Variants in PDE9A observed in about 807,000 individuals in gnomAD.
PDE9A encodes the protein phosphodiesterase 9A, also known as high affinity cGMP-specific 3',5'-cyclic phosphodiesterase 9A.
A neutral mutation model predicts 87.4 loss-of-function variants in PDE9A; 60 were observed. That is an observed-to-expected ratio of 0.69 (90% CI 0.56 to 0.85). PDE9A has a LOEUF of 0.85. Ranked by LOEUF, PDE9A falls within the 40% of genes least tolerant of loss-of-function variation. The probability of loss-of-function intolerance (pLI) is 0.00; values close to 1 mark genes in which losing one functional copy is unlikely to be tolerated. For synonymous variants in PDE9A, 272 were observed against 279.4 expected (o/e 0.97, Z 0.27); for missense variants, 665 against 779.0 (o/e 0.85, Z 1.74).
rs905435707 is a variant in PDE9A, at chr21:42,769,625, CACACACAGGCACACACAGGG to C, written c.1590+486_1590+505del. On this transcript the variant is annotated intron_variant, in intron 17 of 19. Coordinates refer to ENST00000291539, the MANE Select transcript of PDE9A (RefSeq NM_002606.3). ...ACAAATGCACATGCAGGTACACATG[CACACACAGGCACACACAGGG>C]ACACACAGGCACACATAGGCACACA... 1.3e-4 allele frequency among the ~76,000 whole-genome samples: 6 copies of C among 47,798 alleles called. No homozygotes were observed. In the South Asian group the frequency reaches 3.4e-3, roughly 27 times the overall value. 31.4% of individuals were successfully genotyped at this position (47,798 alleles called of 152,430 possible).
Position 42,732,113 on chromosome 21 carries a change from G to C in PDE9A, c.486G>C (p.Glu162Asp). Residue 162 changes from glutamate to aspartate, a missense_variant, in exon 6 of 20, where the codon GAG becomes GAC. Glu to Asp is a conservative substitution (Grantham distance 45). Coordinates refer to ENST00000291539, the MANE Select transcript of PDE9A (RefSeq NM_002606.3). The part of the protein sequence containing the change: ...LIQSVLAQVA[E>D]QFSRAFKINE... ...AGAGCGTGCTGGCGCAGGTTGCAGA[G>C]CAGTTCTCAAGGTACAGAGTCTTCT... is the stretch of plus-strand genomic sequence containing the variant. 1 of 1,614,120 alleles carries C rather than the reference G, an allele frequency of 6.2e-7. No homozygotes were observed. The highest frequency in any genetic ancestry group is 8.5e-7 in the Non-Finnish European group (1 of 1,179,954).
rs1394281418 is a variant in PDE9A, at chr21:42,775,137, T to G, written c.1769-143T>G. ...TTCTATTTTTAGTAGAGACAGGGTT[T>G]CACCATGTTGGTCAGCCTGGTCTCG... On this transcript the variant is annotated intron_variant, in intron 19 of 19. Transcript: ENST00000291539. 4 of 665,796 alleles carry G rather than the reference T, an allele frequency of 6.0e-6. No individual in the cohort carries two copies. In the East Asian group the frequency reaches 1.2e-4, roughly 20 times the overall value. The allele number at this position is 665,796 out of a possible 1,614,324, so 41.2% of individuals were successfully genotyped here. A position where few individuals can be genotyped will look rare whatever the true frequency, so the allele number is the denominator to read the frequency against.
At chr21:42,679,536 C>T (rs558347723) in intron 1 of PDE9A, among the ~76,000 whole-genome samples, 13 of 152,272 alleles carry the variant, frequency 8.5e-5, no homozygotes, top group Non-Finnish European at 1.9e-4. Context: ...AGGAGACCTG[C>T]TCATGGAGCT....
At chr21:42,664,946 A>G (rs2057862510) in intron 1 of PDE9A, among the ~76,000 whole-genome samples, 1 of 152,256 alleles carries the variant, frequency 6.6e-6, no homozygotes, top group South Asian at 2.1e-4. Context: ...TAACCTGTGA[A>G]TGTCCCGTTA....
At chr21:42,743,608 G>T (rs371887419) in intron 7 of PDE9A, among the ~76,000 whole-genome samples, 168 bp from the exon 8 acceptor site, 13 of 152,218 alleles carry the variant, frequency 8.5e-5, no homozygotes, top group African/African-American at 3.1e-4. Flanking sequence ...AGCTAAGCGC[G>T]GAAGTGCAGG....
At position 42,744,066 on chromosome 21, in the gene PDE9A, G is replaced by A. The variant is rs1006584960; in HGVS notation, c.653+206G>A. Among the ~76,000 whole-genome samples, 2 of 152,206 alleles carry A rather than the reference G, an allele frequency of 1.3e-5. 1 individual carries two copies. The highest frequency in any genetic ancestry group is 1.3e-4 in the Admixed American group (2 of 15,280). ...TGACTTTCTTCTAACAAAAGAGCAC[G>A]CATGGGCCGGGTGTGGTGGCTCACG... is the stretch of plus-strand genomic sequence containing the variant. On this transcript the variant is annotated intron_variant, in intron 8 of 19. Transcript: ENST00000291539.
At chr21:42,766,283 C>G (rs975582040) in intron 15 of PDE9A, among the ~76,000 whole-genome samples, 34 of 152,114 alleles carry the variant, frequency 2.2e-4, no homozygotes, top group African/African-American at 6.5e-4. Context: ...CATGGTCGTT[C>G]CACTGCACTC....
intron 7 of PDE9A, among the ~76,000 whole-genome samples, chr21:42,740,738 A>AAACAG (rs767615712): frequency 7.2e-6 from 1 of 138,444 alleles, no homozygotes; most frequent in African/African-American, 2.7e-5. Context: ...ATAGATAGAT[A>AAACAG]GATAGATAGA....
chr21:42,705,680 C>A lies in PDE9A; in HGVS notation c.262+6669C>A, dbSNP rs2048770587. On this transcript the variant is annotated intron_variant, in intron 4 of 19. Transcript: ENST00000291539. This position sits in a 1 kb window ranked among gnomAD's most constrained non-coding sequence, Gnocchi z 4.3. ...CCAAGTCCTATAGGAGAGCCAGGGG[C>A]CATCACGATTTTCTTAGGCACAGCA... Among the ~76,000 whole-genome samples, 1 of 152,282 alleles carries A rather than the reference C, an allele frequency of 6.6e-6. No individual in the cohort carries two copies. The highest frequency in any genetic ancestry group is 1.9e-4 in the East Asian group (1 of 5,180).
At position 42,693,292 on chromosome 21, in the gene PDE9A, C is replaced by T. The variant is rs138340851; in HGVS notation, c.218+5298C>T. ...ACCCTGGCTGCAGATTGCAACCACC[C>T]AGGAATCTTTTTTTTTTTTTTTTTG... On this transcript the variant is annotated intron_variant, in intron 3 of 19. Transcript: ENST00000291539. Among the ~76,000 whole-genome samples the T allele has an allele frequency of 1.0e-3, 152 of 146,172 alleles. 1 individual carries two copies. The East Asian group carries it at 0.017, about 16-fold the overall frequency.
chr21:42,751,015 C>T (rs1005646546), intron 8 of PDE9A, 101 bp from the exon 9 acceptor site: 8 of 804,200 alleles, frequency 9.9e-6, no homozygotes, highest in South Asian at 2.8e-5. Context: ...TAAGACCACA[C>T]GGGGCTTGGG....
In PDE9A at chr21:42,704,330, C is replaced by T. The variant is rs1366521309; in HGVS notation, c.262+5319C>T. 2.6e-5 allele frequency among the ~76,000 whole-genome samples: 4 copies of T among 152,066 alleles called. No homozygotes were observed. Among genetic ancestry groups the T allele is most frequent in the East Asian group, 1.9e-4 (1 of 5,170 alleles). On this transcript the variant is annotated intron_variant, in intron 4 of 19. Transcript: ENST00000291539. The surrounding 1 kb of genome is among the most constrained non-coding windows in gnomAD (Gnocchi z 5.3). ...TGGCTGGGCTAACACCACCTTTCCC[C>T]GCCTCTGGGTGCGTGGGGACCCCGC...
chr21:42,735,798 C>T (rs941069074), intron 7 of PDE9A, among the ~76,000 whole-genome samples: 44 of 152,192 alleles, frequency 2.9e-4, no homozygotes, highest in African/African-American at 1.0e-3. Flanking sequence ...GTCCCATTCA[C>T]AAGTTCCAGG....
rs538877878 is a variant in PDE9A at position 42,759,793 on chromosome 21, G to A, written c.898-535G>A. On this transcript the variant is annotated intron_variant, in intron 11 of 19. Coordinates refer to ENST00000291539, the MANE Select transcript of PDE9A (RefSeq NM_002606.3). This position sits in a 1 kb window ranked among gnomAD's most constrained non-coding sequence, Gnocchi z 7.2. ...TGTGTGTATCTGGATGTGGGGGTGT[G>A]TGAGGGTGGATGTGTGCATGTGTGT... 1.0e-4 allele frequency among the ~76,000 whole-genome samples: 15 copies of A among 149,676 alleles called. No homozygotes were observed. Among genetic ancestry groups the A allele is most frequent in the Non-Finnish European group, 1.6e-4 (11 of 67,352 alleles).
rs1296055922 is a variant in PDE9A, at chr21:42,659,156, A to G, written c.69+5273A>G. Among the ~76,000 whole-genome samples the G allele has an allele frequency of 6.6e-6, 1 of 152,216 alleles. No individual in the cohort carries two copies. Among genetic ancestry groups the G allele is most frequent in the Non-Finnish European group, 1.5e-5 (1 of 68,038 alleles). On this transcript the variant is annotated intron_variant, in intron 1 of 19. Coordinates refer to ENST00000291539, the MANE Select transcript of PDE9A (RefSeq NM_002606.3). The surrounding 1 kb of genome is among the most constrained non-coding windows in gnomAD (Gnocchi z 4.1). ...CAATTTTAGCCCAAGGGTGCCGAAA[A>G]GTCAGGGAGCTGCTGGCCTCCACAC... is the stretch of plus-strand genomic sequence containing the variant.
intron 8 of PDE9A, among the ~76,000 whole-genome samples, chr21:42,750,532 T>TTTTTTAGAAGTTTA (rs60562125): frequency 6.6e-6 from 1 of 150,484 alleles, no homozygotes; most frequent in African/African-American, 2.4e-5. Context: ...TGAAAACAGC[T>TTTTTTAGAAGTTTA]TCTAAAAGAG....
At chr21:42,679,769 C>G (rs933676815) in intron 1 of PDE9A, among the ~76,000 whole-genome samples, 26 of 152,214 alleles carry the variant, frequency 1.7e-4, no homozygotes, top group African/African-American at 4.6e-4. Flanking sequence ...ACTCACCCCC[C>G]ACCCATGAGA....
Position 42,760,965 on chromosome 21 carries a change from A to T in PDE9A, c.1085+58A>T. Reference sequence around the variant, plus strand: ...AAAAGGCACCCTGGCTACTGGAGGGAACCTGTCAGCCCAACCCTCAGAGCA... The same window carrying T: ...AAAAGGCACCCTGGCTACTGGAGGGTACCTGTCAGCCCAACCCTCAGAGCA... On this transcript the variant is annotated intron_variant, in intron 13 of 19. Coordinates refer to ENST00000291539, the MANE Select transcript of PDE9A (RefSeq NM_002606.3). The surrounding 1 kb of genome is among the most constrained non-coding windows in gnomAD (Gnocchi z 5.2). 7 of 1,125,478 alleles carry T rather than the reference A, an allele frequency of 6.2e-6. No individual in the cohort carries two copies. Among genetic ancestry groups the T allele is most frequent in the Non-Finnish European group, 9.5e-6 (7 of 736,732 alleles). The allele number at this position is 1,125,478 out of a possible 1,614,324, so 69.7% of individuals were successfully genotyped here.
chr21:42,768,307 G>C lies in PDE9A; in HGVS notation c.1461+15G>C. On this transcript the variant is annotated intron_variant, in intron 16 of 19. Coordinates refer to ENST00000291539, the MANE Select transcript of PDE9A (RefSeq NM_002606.3). ...ATTTTATGCAGGTAAGAGTCTTGCA[G>C]AGCAATCAAGCCTCCAGCCACTCTT... 1 of 1,456,398 alleles carries C rather than the reference G, an allele frequency of 6.9e-7. No homozygotes were observed. The highest frequency in any genetic ancestry group is 9.6e-7 in the Non-Finnish European group (1 of 1,037,084). 90.2% of individuals were successfully genotyped at this position (1,456,398 alleles called of 1,614,324 possible).
Sources: allele counts gnomAD v4.1 joint callset (sites outside exome capture counted in the v4.1 genomes callset), GRCh38; gene constraint gnomAD v4.1.1; non-coding constraint Gnocchi (gnomAD v3.1); transcripts MANE v1.5; gene names NCBI Gene and HGNC (gene_info 2026-07-23, HGNC 2026-07-21).